Variants in DAAM1 observed in about 807,000 individuals in gnomAD.
The protein encoded by DAAM1 is disheveled-associated activator of morphogenesis 1.
Under a neutral mutation model 130.0 loss-of-function variants are expected in DAAM1, and 52 were observed. The observed-to-expected ratio is 0.40, with a 90% confidence interval of 0.32 to 0.50. The LOEUF is 0.50. Ranked by LOEUF, DAAM1 falls within the 20% of genes least tolerant of loss-of-function variation. DAAM1 has a pLI of 0.61. For synonymous variants in DAAM1, 452 were observed against 444.5 expected, an observed-to-expected ratio of 1.02 and a Z score of -0.21; for missense variants, 1,134 against 1,303.8, an observed-to-expected ratio of 0.87 and a Z score of 2.01.
In DAAM1 at chr14:59,359,950, C is replaced by G. The variant is rs572607623; in HGVS notation, c.2633+446C>G. Among the ~76,000 whole-genome samples the G allele has an allele frequency of 4.4e-3, 669 of 152,272 alleles. 2 individuals are homozygous for G. The highest frequency in any genetic ancestry group is 0.015 in the African/African-American group (631 of 41,568). Reference sequence around the variant, plus strand: ...AAAGTTGCCAAACTTTTACCACAAACTTCACACCACGTTTCAGAGACTGAG... The same window carrying G: ...AAAGTTGCCAAACTTTTACCACAAAGTTCACACCACGTTTCAGAGACTGAG... On this transcript the variant is annotated intron_variant, in intron 21 of 24. Coordinates refer to ENST00000360909, the MANE Select transcript of DAAM1 (RefSeq NM_001270520.2).
Position 59,263,494 on chromosome 14 carries a change from G to C in DAAM1, c.17G>C (p.Arg6Thr). The C allele has an allele frequency of 1.2e-6, 2 of 1,614,234 alleles. No individual in the cohort carries two copies. Among genetic ancestry groups the C allele is most frequent in the African/African-American group, 1.3e-5 (1 of 75,054 alleles). Reference protein sequence around the residue: MAPRKRGGRGISFIFC... With the variant: MAPRKTGGRGISFIFC... ...AATTCAGCCATGGCCCCAAGAAAGA[G>C]AGGTGGACGAGGTATTTCATTCATC... Residue 6 changes from arginine (R) to threonine (T), a missense_variant, in exon 2 of 25, where the codon AGA becomes ACA. Physicochemically the swap from Arg to Thr is moderately conservative, Grantham distance 71 (BLOSUM62 -1). Around this residue, in one of 3 missense-constraint regions of DAAM1, gnomAD observed 99 missense variants for 86.4 expected, o/e 1.15. Coordinates refer to ENST00000360909, the MANE Select transcript of DAAM1 (RefSeq NM_001270520.2).
intron 1 of DAAM1, among the ~76,000 whole-genome samples, chr14:59,196,452 G>GT (rs1179421512): frequency 1.1e-4 from 16 of 152,156 alleles, no homozygotes; most frequent in African/African-American, 3.9e-4. Flanking sequence ...AAAATTAATT[G>GT]TAAGAAATGG....
At chr14:59,198,362 T>C (rs1887980043) in intron 1 of DAAM1, among the ~76,000 whole-genome samples, 1 of 152,014 alleles carries the variant, frequency 6.6e-6, no homozygotes, top group Admixed American at 6.6e-5. Context: ...CCCGCCACCA[T>C]GCCCAGCTAA....
intron 5 of DAAM1, among the ~76,000 whole-genome samples, chr14:59,321,459 G>A (rs768083611): frequency 1.5e-4 from 23 of 152,284 alleles, no homozygotes; most frequent in Non-Finnish European, 2.9e-4. Flanking sequence ...CTCAATACAA[G>A]TATTACTTTT....
chr14:59,367,043 C>G (rs1886945125), intron 23 of DAAM1, among the ~76,000 whole-genome samples: 1 of 151,150 alleles, frequency 6.6e-6, no homozygotes, highest in Admixed American at 6.6e-5. Context: ...AATCCCAGCA[C>G]TTTGGGAGGC....
At position 59,363,761 on chromosome 14, in the gene DAAM1, T is replaced by G. The variant is rs1469130583; in HGVS notation, c.2805T>G (p.Leu935=). 1.9e-6 allele frequency: 3 copies of G among 1,614,052 alleles called. No homozygotes were observed. Among genetic ancestry groups the G allele is most frequent in the African/African-American group, 2.7e-5 (2 of 75,054 alleles). The stretch of plus-strand genomic sequence containing the variant: ...TCAGCTTCTCTGATGTTGAAGACCT[T>G]CTAGCAGAAGCTAAAGACCTGGTAA... The part of the protein sequence containing the change: ...ASFSFSDVED[L]LAEAKDLFTK... Residue 935 remains leucine, a synonymous_variant, in exon 23 of 25, where the codon CTT becomes CTG. Coordinates refer to ENST00000360909, the MANE Select transcript of DAAM1 (RefSeq NM_001270520.2).
rs10566854 is a variant in DAAM1, at chr14:59,319,921, A to AAC, written c.346-546_346-545dup. Among the ~76,000 whole-genome samples the AAC allele has an allele frequency of 8.7e-3, 1,315 of 150,326 alleles. 9 individuals carry two copies. Among genetic ancestry groups the AAC allele is most frequent in the Middle Eastern group, 0.031 (9 of 288 alleles). ...CTGCTCTAGCAGATCCCTGGGTAGA[A>AAC]ACACACACACACACACACACACACT... On this transcript the variant is annotated intron_variant, in intron 4 of 24. Coordinates refer to ENST00000360909, the MANE Select transcript of DAAM1 (RefSeq NM_001270520.2).
intron 16 of DAAM1, among the ~76,000 whole-genome samples, chr14:59,341,537 G>A (rs1159450373): frequency 1.3e-5 from 2 of 151,996 alleles, no homozygotes; most frequent in Non-Finnish European, 2.9e-5. Flanking sequence ...TTTATTTTTA[G>A]TTATTGTTGA....
rs145445977 is a variant in DAAM1 at position 59,275,271 on chromosome 14, A to G, written c.183+11611A>G. 4.3e-3 allele frequency among the ~76,000 whole-genome samples: 662 copies of G among 152,232 alleles called. 1 individual carries two copies. Among genetic ancestry groups the G allele is most frequent in the Admixed American group, 8.1e-3 (124 of 15,288 alleles). ...TTCTCTCTTTCAAGAACAACAGGCA[A>G]TGGGGCCTGTCAGAGGGTGAAGGGT... is the stretch of plus-strand genomic sequence containing the variant. On this transcript the variant is annotated intron_variant, in intron 2 of 24. Coordinates refer to ENST00000360909, the MANE Select transcript of DAAM1 (RefSeq NM_001270520.2).
chr14:59,189,179 C>T (rs1038871951), intron 1 of DAAM1, among the ~76,000 whole-genome samples: 1 of 152,188 alleles, frequency 6.6e-6, no homozygotes, highest in African/African-American at 2.4e-5. Context: ...TCCGCGAGCT[C>T]CCGGCCCGGC....
At chr14:59,240,045 T>C (rs1889428209) in intron 1 of DAAM1, among the ~76,000 whole-genome samples, 1 of 152,170 alleles carries the variant, frequency 6.6e-6, no homozygotes, top group African/African-American at 2.4e-5. Flanking sequence ...CAGTCTTCTG[T>C]AAAACAAGAC....
chr14:59,227,533 A>G (rs11158251), intron 1 of DAAM1, among the ~76,000 whole-genome samples: 64,681 of 152,092 alleles, frequency 0.43, 16,067 homozygotes, highest in Non-Finnish European at 0.55. Flanking sequence ...TTCCTATAGT[A>G]TTTATCTTGT....
intron 2 of DAAM1, among the ~76,000 whole-genome samples, chr14:59,268,734 C>G (rs905425766): frequency 9.2e-5 from 14 of 152,168 alleles, no homozygotes; most frequent in Non-Finnish European, 7.4e-5. Context: ...TTTCGAGAAT[C>G]AATTCTTTTT....
At chr14:59,236,142 T>C (rs1020081630) in intron 1 of DAAM1, among the ~76,000 whole-genome samples, 15 of 152,274 alleles carry the variant, frequency 9.9e-5, no homozygotes, top group Non-Finnish European at 1.9e-4. Flanking sequence ...ATTGCCTCTT[T>C]AGTATGAAGT....
chr14:59,275,646 A>G (rs973147677), intron 2 of DAAM1, among the ~76,000 whole-genome samples: 4 of 152,214 alleles, frequency 2.6e-5, no homozygotes, highest in African/African-American at 7.2e-5. Context: ...AAAAAGCTGA[A>G]TAAAAAGCCT....
intron 17 of DAAM1, among the ~76,000 whole-genome samples, chr14:59,348,208 T>G (rs1379815867): frequency 6.6e-6 from 1 of 152,108 alleles, no homozygotes. Context: ...ATGCCAGGGG[T>G]AGCAAGAATG....
intron 15 of DAAM1, among the ~76,000 whole-genome samples, chr14:59,339,364 C>G (rs1885756518): frequency 6.6e-6 from 1 of 152,186 alleles, no homozygotes; most frequent in African/African-American, 2.4e-5. Context: ...ACCAATACTC[C>G]TGATGCTCAG....
At chr14:59,200,249 G>C (rs1475452592) in intron 1 of DAAM1, among the ~76,000 whole-genome samples, 1 of 152,144 alleles carries the variant, frequency 6.6e-6, no homozygotes, top group Non-Finnish European at 1.5e-5. Flanking sequence ...CAGCTTTGAA[G>C]CCCATGGCCT....
At chr14:59,221,184 G>A (rs1888760316) in intron 1 of DAAM1, among the ~76,000 whole-genome samples, 1 of 152,218 alleles carries the variant, frequency 6.6e-6, no homozygotes, top group Non-Finnish European at 1.5e-5. Flanking sequence ...TGAAGTCCTT[G>A]AGTGATGTTT....
Sources: allele counts gnomAD v4.1 joint callset (sites outside exome capture counted in the v4.1 genomes callset), GRCh38; gene constraint gnomAD v4.1.1; regional missense constraint gnomAD v4.1.1; transcripts MANE v1.5; gene names NCBI Gene and HGNC (gene_info 2026-07-23, HGNC 2026-07-21).